CXXC4: variants seen among roughly 807,000 people sequenced by gnomAD.
CXXC4 encodes CXXC-type zinc finger protein 4.
Under a neutral mutation model 20.5 loss-of-function variants are expected in CXXC4, and 5 were observed. The observed-to-expected ratio is 0.24, with a 90% CI of 0.13 to 0.51. The LOEUF is 0.51. Ranked by LOEUF, CXXC4 falls within the 20% of genes least tolerant of loss-of-function variation. The probability of loss-of-function intolerance (pLI) is 0.97; values close to 1 mark genes in which losing one functional copy is unlikely to be tolerated. For missense variants in CXXC4, 419 were observed against 496.4 expected (o/e 0.84, Z 1.48); for synonymous variants, 250 against 216.4 (o/e 1.16, Z -1.36).
intron 2 of CXXC4, chr4:104,475,126 T>C (rs1462784966): frequency 1.3e-5 from 2 of 152,154 alleles, no homozygotes; most frequent in African/African-American, 2.4e-5. Flanking sequence ...TATGCATACA[T>C]TGAGACCAGT....
At chr4:104,484,423 T>C (rs1736633341) in intron 2 of CXXC4, among the ~76,000 whole-genome samples, 1 of 152,038 alleles carries the variant, frequency 6.6e-6, no homozygotes, top group South Asian at 2.1e-4. Flanking sequence ...AGGAGCTTAG[T>C]AGTATATTTC....
rs1280715315 is a variant in CXXC4 at position 104,491,056 on chromosome 4, T to A, written c.747A>T (p.Pro249=). ...IPALGGISLP[P]GVIVMTALHS... is the part of the protein sequence containing the mutation. ...GAAGGGCTGTCATGACGATGACCCC[T>A]GGAGGTAATGAGATGCCCCCTAAAG... Residue 249 remains proline, a synonymous_variant, in exon 2 of 3, where the codon CCA becomes CCT. Transcript: ENST00000394767. 3.1e-6 allele frequency: 5 copies of A among 1,613,902 alleles called. No homozygotes were observed. Among genetic ancestry groups the A allele is most frequent in the Admixed American group, 3.3e-5 (2 of 60,000 alleles).
rs1736861090 is a variant in CXXC4, at chr4:104,491,374, G to A, written c.429C>T (p.Ser143=). The stretch of plus-strand genomic sequence containing the variant: ...TCGCCGAGGAGGAGGAGGCGGAGGA[G>A]GAGGCGGCGGCGGAGGAGGATTTCC... ...GGRKSSSAAA[S]SSASSSSAIL... Residue 143 remains serine, a synonymous_variant, in exon 2 of 3, where the codon TCC becomes TCT. Coordinates refer to ENST00000394767, the MANE Select transcript of CXXC4 (RefSeq NM_025212.4). 22 of 1,391,138 alleles carry A rather than the reference G, an allele frequency of 1.6e-5. No homozygotes were observed. The highest frequency in any genetic ancestry group is 2.0e-5 in the Non-Finnish European group (21 of 1,073,620). The allele number at this position is 1,391,138 out of a possible 1,614,324, so 86.2% of individuals were successfully genotyped here. A position where few individuals can be genotyped will look rare whatever the true frequency, so the allele number is the denominator to read the frequency against.
rs889919799 is a variant in CXXC4 at position 104,471,275 on chromosome 4, T to C, written c.*1047A>G. ...TAATATCATACATGAAGTTAAAACATTGGGGTAGTTTTTATTAAGATTTTT... is the reference window on the plus strand; with the variant it reads ...TAATATCATACATGAAGTTAAAACACTGGGGTAGTTTTTATTAAGATTTTT... On this transcript the variant is annotated 3_prime_UTR_variant, in exon 3 of 3. Coordinates refer to ENST00000394767, the MANE Select transcript of CXXC4 (RefSeq NM_025212.4). 6.6e-6 allele frequency: 1 copy of C among 151,982 alleles called. No homozygotes were observed. The highest frequency in any genetic ancestry group is 2.4e-5 in the African/African-American group (1 of 41,426). The allele number at this position is 151,982 out of a possible 1,614,324, so 9.4% of individuals were successfully genotyped here.
chr4:104,479,115 G>A (rs577190292), intron 2 of CXXC4, among the ~76,000 whole-genome samples: 6 of 152,168 alleles, frequency 3.9e-5, no homozygotes, highest in East Asian at 1.9e-4. Flanking sequence ...GAAAAACAAT[G>A]AGCAGCCTTT....
chr4:104,478,933 T>G (rs558592760), intron 2 of CXXC4, among the ~76,000 whole-genome samples: 1 of 152,020 alleles, frequency 6.6e-6, no homozygotes, highest in African/African-American at 2.4e-5. Flanking sequence ...TTCATTTGCA[T>G]GTATATATAT....
intron 2 of CXXC4, among the ~76,000 whole-genome samples, chr4:104,473,265 CAAAT>C (rs912479728): frequency 6.6e-6 from 1 of 151,646 alleles, no homozygotes; most frequent in African/African-American, 2.4e-5. Flanking sequence ...GTATTTTCAA[CAAAT>C]ATATATATAA....
chr4:104,471,278 G>T lies in CXXC4; in HGVS notation c.*1044C>A, dbSNP rs942837520. 2 of 151,566 alleles carry T rather than the reference G, an allele frequency of 1.3e-5. No individual in the cohort carries two copies. Among genetic ancestry groups the T allele is most frequent in the Non-Finnish European group, 2.9e-5 (2 of 67,868 alleles). The allele number at this position is 151,566 out of a possible 1,614,324, so 9.4% of individuals were successfully genotyped here. A position where few individuals can be genotyped will look rare whatever the true frequency, so the allele number is the denominator to read the frequency against. ...TATCATACATGAAGTTAAAACATTG[G>T]GGTAGTTTTTATTAAGATTTTTTCC... On this transcript the variant is annotated 3_prime_UTR_variant, in exon 3 of 3. Coordinates refer to ENST00000394767, the MANE Select transcript of CXXC4 (RefSeq NM_025212.4).
intron 2 of CXXC4, among the ~76,000 whole-genome samples, chr4:104,476,232 G>C (rs188114784): frequency 2.6e-5 from 4 of 152,148 alleles, no homozygotes; most frequent in African/African-American, 9.6e-5. Context: ...CATTAAATCT[G>C]CAGTGATGAA....
In CXXC4 at chr4:104,491,628, G is replaced by C; in HGVS notation, c.175C>G (p.Gln59Glu). ...GTGATGCGCGCGATCTTGGCCGCCTGTGGGAAGGCGCCCCCGTTGGTCTTG... is the reference window on the plus strand; with the variant it reads ...GTGATGCGCGCGATCTTGGCCGCCTCTGGGAAGGCGCCCCCGTTGGTCTTG... ...FYKTNGGAFPQAAKIARITTP... is the reference protein window; with the variant it reads ...FYKTNGGAFPEAAKIARITTP... The change falls in exon 2 of 3, where the codon CAG becomes GAG. Residue 59 changes from glutamine to glutamate, a missense_variant. Transcript: ENST00000394767. 1 of 1,543,476 alleles carries C rather than the reference G, an allele frequency of 6.5e-7. No individual in the cohort carries two copies.
rs1736191275 is a variant in CXXC4, at chr4:104,468,937, T to TA, written c.*3384_*3385insT. 3 of 152,102 alleles carry TA rather than the reference T, an allele frequency of 2.0e-5. No individual in the cohort carries two copies. The highest frequency in any genetic ancestry group is 4.4e-5 in the Non-Finnish European group (3 of 67,986). The allele number at this position is 152,102 out of a possible 1,614,324, so 9.4% of individuals were successfully genotyped here. On this transcript the variant is annotated 3_prime_UTR_variant, in exon 3 of 3. Coordinates refer to ENST00000394767, the MANE Select transcript of CXXC4 (RefSeq NM_025212.4). ...ACAACTTACATATCAGGGTTTCTGA[T>TA]TGAAAGGAAGAGAATATTCCTTTCT...
At position 104,469,761 on chromosome 4, in the gene CXXC4, AC is replaced by A. The variant is rs1460172598; in HGVS notation, c.*2560del. ...ATTAAAAAGTGGGTGGTATAAAAGAACAATATCAAGAATAAAAAACATAAGA... is the reference window on the plus strand; with the variant it reads ...ATTAAAAAGTGGGTGGTATAAAAGAAAATATCAAGAATAAAAAACATAAGA... On this transcript the variant is annotated 3_prime_UTR_variant, in exon 3 of 3. Coordinates refer to ENST00000394767, the MANE Select transcript of CXXC4 (RefSeq NM_025212.4). 5.9e-5 allele frequency: 9 copies of A among 152,040 alleles called. No individual in the cohort carries two copies. Among genetic ancestry groups the A allele is most frequent in the Non-Finnish European group, 1.0e-4 (7 of 67,958 alleles). The allele number at this position is 152,040 out of a possible 1,614,324, so 9.4% of individuals were successfully genotyped here. A position where few individuals can be genotyped will look rare whatever the true frequency, so the allele number is the denominator to read the frequency against.
intron 2 of CXXC4, among the ~76,000 whole-genome samples, chr4:104,484,750 G>C (rs1017303843): frequency 2.6e-5 from 4 of 152,004 alleles, no homozygotes; most frequent in Non-Finnish European, 4.4e-5. Context: ...GCAGAGCTAA[G>C]TCTTCAACAT....
chr4:104,486,344 A>T (rs2110277002), intron 2 of CXXC4, among the ~76,000 whole-genome samples: 1 of 152,244 alleles, frequency 6.6e-6, no homozygotes, highest in African/African-American at 2.4e-5. Flanking sequence ...TGGAAAAATA[A>T]TCTCATTGAA....
At chr4:104,481,163 C>A (rs957730320) in intron 2 of CXXC4, among the ~76,000 whole-genome samples, 2 of 152,048 alleles carry the variant, frequency 1.3e-5, no homozygotes, top group African/African-American at 4.8e-5. Flanking sequence ...GAGATTGATT[C>A]CAGAATTTTC....
chr4:104,481,267 C>T (rs1269429356), intron 2 of CXXC4, among the ~76,000 whole-genome samples: 1 of 152,096 alleles, frequency 6.6e-6, no homozygotes, highest in Non-Finnish European at 1.5e-5. Flanking sequence ...TTGTGGCTCA[C>T]GCCTATAATC....
intron 2 of CXXC4, among the ~76,000 whole-genome samples, chr4:104,482,189 TTA>T (rs1316472921): frequency 6.6e-6 from 1 of 152,174 alleles, no homozygotes; most frequent in East Asian, 1.9e-4. Flanking sequence ...TGATGGTAAG[TTA>T]AAACATTGGT....
intron 2 of CXXC4, among the ~76,000 whole-genome samples, chr4:104,474,080 G>A (rs761194478): frequency 6.6e-6 from 1 of 152,000 alleles, no homozygotes; most frequent in Non-Finnish European, 1.5e-5. Context: ...AAATGACTGT[G>A]TTGAGAACAA....
rs151192107 is a variant in CXXC4 at position 104,488,353 on chromosome 4, T to C, written c.1059+2391A>G. On this transcript the variant is annotated intron_variant, in intron 2 of 2. Coordinates refer to ENST00000394767, the MANE Select transcript of CXXC4 (RefSeq NM_025212.4). ...TCATGTAAGCCCTGTCACTCTGACATGTGCTCAGCTGGTTTCCTACAACCA... is the reference window on the plus strand; with the variant it reads ...TCATGTAAGCCCTGTCACTCTGACACGTGCTCAGCTGGTTTCCTACAACCA... Among the ~76,000 whole-genome samples the C allele has an allele frequency of 2.6e-3, 401 of 152,370 alleles. 2 individuals are homozygous for C. The highest frequency in any genetic ancestry group is 9.4e-3 in the African/African-American group (389 of 41,598).
Sources: gnomAD v4.1 joint callset for allele counts (sites outside exome capture counted in the v4.1 genomes callset) on GRCh38, gnomAD v4.1.1 for gene constraint, MANE v1.5 for transcripts, NCBI Gene and HGNC (gene_info 2026-07-23, HGNC 2026-07-21) for gene names.